DGKB: variants seen among roughly 807,000 people sequenced by gnomAD.
DGKB encodes 90 kDa diacylglycerol kinase.
DGKB carries 67 observed loss-of-function variants against 114.3 expected under a neutral mutation model. That is an observed-to-expected ratio of 0.59 (90% CI 0.48 to 0.72). The LOEUF (loss-of-function observed/expected upper bound fraction) is 0.72, where lower values mean the gene tolerates loss of function less well. Among genes scored for constraint, DGKB ranks in the 30% least tolerant of loss-of-function variants. The probability of loss-of-function intolerance (pLI) is 0.00; values close to 1 mark genes in which losing one functional copy is unlikely to be tolerated. For synonymous variants in DGKB, 398 were observed against 323.1 expected (o/e 1.23, Z -2.49); for missense variants, 907 against 975.2 (o/e 0.93, Z 0.93).
chr7:14,396,783 C>T (rs1233199313), intron 21 of DGKB, among the ~76,000 whole-genome samples: 2 of 152,098 alleles, frequency 1.3e-5, no homozygotes. Flanking sequence ...CTAAAGCTGC[C>T]ATGCTATGTG....
At chr7:14,711,832 A>G (rs912231818) in intron 6 of DGKB, among the ~76,000 whole-genome samples, 4 of 152,176 alleles carry the variant, frequency 2.6e-5, no homozygotes, top group Admixed American at 2.6e-4. Context: ...GGTACTCAGG[A>G]ATTCTGAGTA....
intron 1 of DGKB, among the ~76,000 whole-genome samples, chr7:14,882,384 G>T (rs948581244): frequency 1.3e-4 from 20 of 152,032 alleles, no homozygotes; most frequent in African/African-American, 4.6e-4. Context: ...TAGGATTATA[G>T]ATTAGTAGGT....
chr7:14,321,901 A>T (rs189984930), intron 23 of DGKB, among the ~76,000 whole-genome samples: 1 of 152,318 alleles, frequency 6.6e-6, no homozygotes, highest in Non-Finnish European at 1.5e-5. Context: ...GGAAAGCTAT[A>T]CCATGTTCAC....
At chr7:14,591,284 A>T (rs1379206199) in intron 17 of DGKB, among the ~76,000 whole-genome samples, 1 of 152,188 alleles carries the variant, frequency 6.6e-6, no homozygotes, top group Non-Finnish European at 1.5e-5. Context: ...TCAGTTCCAC[A>T]GTGTTCCATG....
In DGKB at chr7:14,682,759, G is replaced by A. The variant is rs750041317; in HGVS notation, c.912C>T (p.Asn304=). The change falls in exon 11 of 26, where the codon AAC becomes AAT. Residue 304 remains asparagine, a synonymous_variant. Coordinates refer to ENST00000402815, the MANE Select transcript of DGKB (RefSeq NM_001350709.2). ...CIKTYVKSKR[N]TDVMHHYWVE... is the part of the protein sequence containing the mutation. ...AGCATGCACACAAACTTACATCAGT[G>A]TTCCTTTTGGACTTCACATAGGTCT... 2 of 1,612,240 alleles carry A rather than the reference G, an allele frequency of 1.2e-6. No homozygotes were observed. The highest frequency in any genetic ancestry group is 1.7e-6 in the Non-Finnish European group (2 of 1,178,806).
chr7:14,741,386 T>C (rs1327559538), intron 4 of DGKB, among the ~76,000 whole-genome samples: 1 of 152,208 alleles, frequency 6.6e-6, no homozygotes, highest in Admixed American at 6.5e-5. Context: ...AGCCAATCTG[T>C]TGTGCTCTGC....
At chr7:14,653,515 G>A (rs1342009515) in intron 13 of DGKB, among the ~76,000 whole-genome samples, 1 of 150,420 alleles carries the variant, frequency 6.6e-6, no homozygotes, top group African/African-American at 2.4e-5. Flanking sequence ...TGGGGTGGGG[G>A]TAGGGGGGAG....
chr7:14,314,510 T>C (rs982232399), intron 23 of DGKB, among the ~76,000 whole-genome samples: 2 of 151,930 alleles, frequency 1.3e-5, no homozygotes, highest in Non-Finnish European at 2.9e-5. Flanking sequence ...GCCGATGTGA[T>C]CAACTGGAAG....
At chr7:14,411,033 T>A (rs1824785080) in intron 21 of DGKB, among the ~76,000 whole-genome samples, 1 of 152,128 alleles carries the variant, frequency 6.6e-6, no homozygotes, top group South Asian at 2.1e-4. Context: ...TGATATGCAA[T>A]ACCCCTGAGA....
intron 20 of DGKB, among the ~76,000 whole-genome samples, chr7:14,560,487 A>G (rs1459603136): frequency 6.6e-6 from 1 of 152,096 alleles, no homozygotes; most frequent in African/African-American, 2.4e-5. Flanking sequence ...GGTTTATTTC[A>G]TCTAGGATAA....
chr7:14,551,078 C>T (rs1048781899), intron 20 of DGKB, among the ~76,000 whole-genome samples: 19 of 151,996 alleles, frequency 1.3e-4, no homozygotes, highest in Admixed American at 1.2e-3. Context: ...TTTCCACTAA[C>T]TTGAAATTTA....
intron 23 of DGKB, among the ~76,000 whole-genome samples, chr7:14,330,303 C>T (rs1364203329): frequency 1.3e-5 from 2 of 151,844 alleles, no homozygotes; most frequent in African/African-American, 4.8e-5. Context: ...ACTAAAAACT[C>T]ATTTTTCTTG....
rs554138703 is a variant in DGKB at position 14,534,332 on chromosome 7, G to A, written c.1770+39880C>T. Among the ~76,000 whole-genome samples the A allele has an allele frequency of 3.3e-5, 5 of 152,042 alleles. No homozygotes were observed. In the South Asian group the frequency reaches 1.0e-3, roughly 32 times the overall value. Reference sequence around the variant, plus strand: ...AAAAGACAAAGAGGAAAAAATCAAAGCATACCACTACAATAAAATTACCAA... The same window carrying A: ...AAAAGACAAAGAGGAAAAAATCAAAACATACCACTACAATAAAATTACCAA... On this transcript the variant is annotated intron_variant, in intron 20 of 25. Coordinates refer to ENST00000402815, the MANE Select transcript of DGKB (RefSeq NM_001350709.2).
chr7:14,736,783 A>T (rs1831783635), intron 4 of DGKB, among the ~76,000 whole-genome samples: 1 of 152,224 alleles, frequency 6.6e-6, no homozygotes, highest in African/African-American at 2.4e-5. Context: ...ACTCTCTGAT[A>T]CTCATTGCAG....
chr7:14,465,093 A>G (rs1365456998), intron 21 of DGKB, among the ~76,000 whole-genome samples: 2 of 152,144 alleles, frequency 1.3e-5, no homozygotes, highest in Non-Finnish European at 2.9e-5. Context: ...TCCAGTCCTC[A>G]GACAGAAAGA....
intron 23 of DGKB, among the ~76,000 whole-genome samples, chr7:14,326,296 T>C (rs995960036): frequency 2.6e-5 from 4 of 152,172 alleles, no homozygotes; most frequent in Non-Finnish European, 4.4e-5. Context: ...TCTTTTTTTT[T>C]CCTTGCCCAT....
At chr7:14,529,608 T>C (rs1376071854) in intron 20 of DGKB, among the ~76,000 whole-genome samples, 1 of 151,694 alleles carries the variant, frequency 6.6e-6, no homozygotes, top group Non-Finnish European at 1.5e-5. Context: ...TAGTTATAAA[T>C]CCCTTACCTA....
intron 20 of DGKB, among the ~76,000 whole-genome samples, chr7:14,563,028 G>A (rs1173383363): frequency 6.6e-6 from 1 of 152,120 alleles, no homozygotes; most frequent in Non-Finnish European, 1.5e-5. Context: ...GAATCACAGG[G>A]GCAGGTCTTT....
intron 13 of DGKB, among the ~76,000 whole-genome samples, chr7:14,648,478 A>G (rs1813654409): frequency 6.7e-6 from 1 of 149,550 alleles, no homozygotes; most frequent in African/African-American, 2.5e-5. Context: ...GGACATCCAC[A>G]CCAAAAACCC....
Sources: gnomAD v4.1 joint callset for allele counts (sites outside exome capture counted in the v4.1 genomes callset) on GRCh38, gnomAD v4.1.1 for gene constraint, MANE v1.5 for transcripts, NCBI Gene and HGNC (gene_info 2026-07-23, HGNC 2026-07-21) for gene names.